The following BCL2 variants were observed in gnomAD, a reference collection of about 807,000 sequenced individuals.
BCL2 encodes the protein apoptosis regulator Bcl-2.
In BCL2, 1 loss-of-function variant was observed where a neutral mutation model predicts 14.2. That is an observed-to-expected ratio of 0.07 (90% CI 0.02 to 0.33). The LOEUF is 0.33. Among genes scored for constraint, BCL2 ranks in the 10% least tolerant of loss-of-function variants. The probability of loss-of-function intolerance (pLI) is 0.99; values close to 1 mark genes in which losing one functional copy is unlikely to be tolerated. For synonymous variants in BCL2, 151 were observed against 137.2 expected (o/e 1.10, Z -0.70); for missense variants, 247 against 305.9 (o/e 0.81, Z 1.44).
chr18:63,157,321 C>T (rs1207764427), intron 2 of BCL2, among the ~76,000 whole-genome samples: 2 of 152,198 alleles, frequency 1.3e-5, no homozygotes, highest in African/African-American at 4.8e-5. Context: ...ATGCTCCCTT[C>T]CCATCCAAAC....
intron 2 of BCL2, among the ~76,000 whole-genome samples, chr18:63,163,888 A>G (rs1914981218): frequency 1.3e-5 from 2 of 152,230 alleles, no homozygotes; most frequent in Admixed American, 6.5e-5. Flanking sequence ...GACTCTTCAG[A>G]GTCTGTGCTC....
At chr18:63,272,490 C>T (rs1912031367) in intron 2 of BCL2, among the ~76,000 whole-genome samples, 1 of 152,140 alleles carries the variant, frequency 6.6e-6, no homozygotes, top group Non-Finnish European at 1.5e-5. Flanking sequence ...ACATCCGAGA[C>T]AATTCTTGCT....
chr18:63,303,204 GAACCA>G (rs1913018524), intron 2 of BCL2, among the ~76,000 whole-genome samples: 1 of 152,182 alleles, frequency 6.6e-6, no homozygotes, highest in Admixed American at 6.5e-5. Flanking sequence ...CATTTCTCTG[GAACCA>G]GGAAGGCACT....
At chr18:63,238,431 A>T (rs1272736688) in intron 2 of BCL2, among the ~76,000 whole-genome samples, 1 of 152,218 alleles carries the variant, frequency 6.6e-6, no homozygotes, top group Non-Finnish European at 1.5e-5. Context: ...AGGCCTTCAA[A>T]AGTGATTGTT....
At chr18:63,237,628 C>A (rs569709986) in intron 2 of BCL2, among the ~76,000 whole-genome samples, 69 of 152,306 alleles carry the variant, frequency 4.5e-4, no homozygotes, top group South Asian at 3.1e-3. Context: ...AGTTTTCACC[C>A]AATCCCTAGC....
chr18:63,212,907 C>G (rs1262664969), intron 2 of BCL2, among the ~76,000 whole-genome samples: 1 of 151,962 alleles, frequency 6.6e-6, no homozygotes, highest in East Asian at 1.9e-4. Context: ...TACCTTTACA[C>G]AAAGGATGAA....
At chr18:63,167,822 A>T (rs1915081872) in intron 2 of BCL2, among the ~76,000 whole-genome samples, 2 of 151,998 alleles carry the variant, frequency 1.3e-5, no homozygotes, top group Admixed American at 1.3e-4. Flanking sequence ...CCTACTCAGG[A>T]GGCTGAGGTA....
At chr18:63,134,352 T>G (rs1351336274) in intron 2 of BCL2, among the ~76,000 whole-genome samples, 3 of 152,202 alleles carry the variant, frequency 2.0e-5, no homozygotes, top group Admixed American at 6.5e-5. Flanking sequence ...TGGGAGATGA[T>G]GTCTAGTAGT....
chr18:63,196,473 T>A (rs1909447810), intron 2 of BCL2, among the ~76,000 whole-genome samples: 1 of 152,128 alleles, frequency 6.6e-6, no homozygotes, highest in East Asian at 1.9e-4. Context: ...AACCTTCTTC[T>A]CGATGGAAAG....
intron 2 of BCL2, among the ~76,000 whole-genome samples, chr18:63,243,777 G>T (rs890048923): frequency 2.0e-5 from 3 of 152,122 alleles, no homozygotes; most frequent in African/African-American, 7.2e-5. Context: ...AATAAGTCAA[G>T]GGACTAATAT....
intron 2 of BCL2, among the ~76,000 whole-genome samples, chr18:63,180,113 C>A (rs1299267261): frequency 1.3e-5 from 2 of 152,206 alleles, no homozygotes; most frequent in Non-Finnish European, 2.9e-5. Flanking sequence ...CGGCATCATT[C>A]CTTCTTCCCT....
chr18:63,309,224 C>A (rs966300636), intron 2 of BCL2, among the ~76,000 whole-genome samples: 2 of 152,234 alleles, frequency 1.3e-5, no homozygotes, highest in East Asian at 1.9e-4. Flanking sequence ...CATTTAGGAC[C>A]ACTTAGGGCA....
intron 2 of BCL2, among the ~76,000 whole-genome samples, chr18:63,311,415 G>T (rs149705617): frequency 1.3e-5 from 2 of 152,058 alleles, no homozygotes; most frequent in African/African-American, 4.8e-5. Context: ...CTGTCTTTTC[G>T]ACAGTTAAAA....
rs116315584 is a variant in BCL2, at chr18:63,184,150, C to T, written c.586-55391G>A. Among the ~76,000 whole-genome samples, 406 of 152,334 alleles carry T rather than the reference C, an allele frequency of 2.7e-3. 2 individuals are homozygous for T. The highest frequency in any genetic ancestry group is 8.9e-3 in the African/African-American group (370 of 41,578). On this transcript the variant is annotated intron_variant, in intron 2 of 2. Coordinates refer to ENST00000333681, the MANE Select transcript of BCL2 (RefSeq NM_000633.3). ...CATCGGCTGCTGGTTGAGAGGCCAA[C>T]GCTGGCCTTGGCCATGGATAAGGAG...
rs140963524 is a variant in BCL2 at position 63,155,858 on chromosome 18, G to A, written c.586-27099C>T. 4.1e-4 allele frequency among the ~76,000 whole-genome samples: 62 copies of A among 152,134 alleles called. No homozygotes were observed. In the East Asian group the frequency reaches 0.01, roughly 25 times the overall value. ...GCTTGTCGCACCCTCTCCCTTCCTG[G>A]GGCCCTCACTCATGTTCTCCTTGGA... On this transcript the variant is annotated intron_variant, in intron 2 of 2. Transcript: ENST00000333681.
At chr18:63,259,809 T>C (rs1911602522) in intron 2 of BCL2, among the ~76,000 whole-genome samples, 2 of 152,250 alleles carry the variant, frequency 1.3e-5, no homozygotes, top group Admixed American at 6.5e-5. Flanking sequence ...TGTGGGAATC[T>C]ATATTGAACA....
In BCL2 at chr18:63,241,783, C is replaced by T. The variant is rs566570233; in HGVS notation, c.585+76299G>A. On this transcript the variant is annotated intron_variant, in intron 2 of 2. Coordinates refer to ENST00000333681, the MANE Select transcript of BCL2 (RefSeq NM_000633.3). Reference sequence around the variant, plus strand: ...AGAATCTGATGAAAACAAGATGTCCCGGCCTGCCACCCTGGCCTGATTTGA... The same window carrying T: ...AGAATCTGATGAAAACAAGATGTCCTGGCCTGCCACCCTGGCCTGATTTGA... Among the ~76,000 whole-genome samples the T allele has an allele frequency of 3.3e-5, 5 of 152,308 alleles. No individual in the cohort carries two copies. In the East Asian group the frequency reaches 7.7e-4, roughly 23 times the overall value.
At position 63,318,739 on chromosome 18, in the gene BCL2, AAGAAG is replaced by A. The variant is rs968262981; in HGVS notation, c.-78_-74del. 5.6e-6 allele frequency: 9 copies of A among 1,600,374 alleles called. No individual in the cohort carries two copies. The South Asian group carries it at 7.8e-5, about 14-fold the overall frequency. The stretch of plus-strand genomic sequence containing the variant: ...GCTCCCACCCCACGGCCCCCAGAGA[AAGAAG>A]AGGAGTTATAATCCAGCTATTTTAT... On this transcript the variant is annotated 5_prime_UTR_variant, in exon 2 of 3. Transcript: ENST00000333681. The surrounding 1 kb of genome is among the most constrained non-coding windows in gnomAD (Gnocchi z 7.4).
At chr18:63,238,972 T>C (rs1910918811) in intron 2 of BCL2, among the ~76,000 whole-genome samples, 1 of 152,208 alleles carries the variant, frequency 6.6e-6, no homozygotes. Flanking sequence ...AGCTGTGGGA[T>C]GGCTAACTGC....
Sources: gnomAD v4.1 joint callset for allele counts (sites outside exome capture counted in the v4.1 genomes callset) on GRCh38, gnomAD v4.1.1 for gene constraint, Gnocchi (gnomAD v3.1) non-coding constraint, MANE v1.5 for transcripts, NCBI Gene and HGNC (gene_info 2026-07-23, HGNC 2026-07-21) for gene names.